The following FIP1L1 variants were observed in gnomAD, a reference collection of about 807,000 sequenced individuals.
FIP1L1 encodes the protein factor interacting with PAPOLA and CPSF1, also known as pre-mRNA 3'-end-processing factor FIP1.
In FIP1L1, 21 loss-of-function variants were observed where a neutral mutation model predicts 84.6. The observed-to-expected ratio is 0.25, with a 90% CI of 0.18 to 0.36. The LOEUF (loss-of-function observed/expected upper bound fraction) is 0.36, where lower values mean the gene tolerates loss of function less well. Among genes scored for constraint, FIP1L1 ranks in the 10% least tolerant of loss-of-function variants. The pLI is 1.00. For synonymous variants in FIP1L1, 263 were observed against 242.3 expected, an observed-to-expected ratio of 1.09 and a Z score of -0.80; for missense variants, 526 against 751.1, an observed-to-expected ratio of 0.70 and a Z score of 3.50.
chr4:53,441,215 A>T (rs1323972435), intron 13 of FIP1L1, among the ~76,000 whole-genome samples: 1 of 151,770 alleles, frequency 6.6e-6, no homozygotes, highest in African/African-American at 2.4e-5. Flanking sequence ...GTGTGATATC[A>T]CACCTGGTAG....
Position 53,377,896 on chromosome 4 carries a change from G to A in FIP1L1, c.58G>A (p.Asp20Asn). The A allele has an allele frequency of 6.2e-7, 1 of 1,600,828 alleles. No individual in the cohort carries two copies. The highest frequency in any genetic ancestry group is 8.5e-7 in the Non-Finnish European group (1 of 1,173,732). Residue 20 changes from aspartate to asparagine, a missense_variant, in exon 1 of 18, where the codon GAT (aspartate) becomes AAT (asparagine). This residue lies in a region of FIP1L1 where 100 missense variants were observed against 107.2 expected (regional missense o/e 0.93). Transcript: ENST00000337488. ...VSELSGGTGG[D>N]EEEEWLYGGP... is the part of the protein sequence containing the mutation. ...GGAGCTGAGCGGCGGGACCGGAGGG[G>A]ATGAGGAGGAAGAGTGGCTCTATGG... is the stretch of plus-strand genomic sequence containing the variant.
chr4:53,389,484 TTGAGCAAG>T lies in FIP1L1; in HGVS notation c.333-321_333-314del, dbSNP rs1742980682. Among the ~76,000 whole-genome samples the T allele has an allele frequency of 2.6e-5, 4 of 152,308 alleles. No individual in the cohort carries two copies. In the South Asian group the frequency reaches 8.3e-4, roughly 32 times the overall value. On this transcript the variant is annotated intron_variant, in intron 5 of 17. Transcript: ENST00000337488. ...TTTTTTTTACTGTTTTTGCCTTTTA[TTGAGCAAG>T]TGACTTTAAAAATCAGTTTAAAATG...
At chr4:53,426,478 T>G (rs190383027) in intron 12 of FIP1L1, among the ~76,000 whole-genome samples, 1 of 152,288 alleles carries the variant, frequency 6.6e-6, no homozygotes, top group East Asian at 1.9e-4. Context: ...CCACTTGTGA[T>G]AAAATGTTGA....
At chr4:53,451,574 T>TC (rs1254543776) in intron 15 of FIP1L1, among the ~76,000 whole-genome samples, 1 of 85,224 alleles carries the variant, frequency 1.2e-5, no homozygotes, top group Non-Finnish European at 2.6e-5. Context: ...CTATACATTT[T>TC]CTTTTTTTTT....
Position 53,451,114 on chromosome 4 carries a change from G to A in FIP1L1, c.1286-1806G>A, listed in dbSNP as rs375739060. 1.6e-4 allele frequency among the ~76,000 whole-genome samples: 24 copies of A among 151,586 alleles called. No homozygotes were observed. In the South Asian group the frequency reaches 2.5e-3, roughly 16 times the overall value. On this transcript the variant is annotated intron_variant, in intron 15 of 17. Coordinates refer to ENST00000337488, the MANE Select transcript of FIP1L1 (RefSeq NM_030917.4). ...CAAATAGCTGGGATTACAGGCATGC[G>A]CCACCATGCCTGGCTAATTTTTTTT... is the stretch of plus-strand genomic sequence containing the variant.
rs564872406 is a variant in FIP1L1 at position 53,379,103 on chromosome 4, T to G, written c.116T>G (p.Leu39Trp). 2 of 1,614,168 alleles carry G rather than the reference T, an allele frequency of 1.2e-6. No homozygotes were observed. Among genetic ancestry groups the G allele is most frequent in the African/African-American group, 2.7e-5 (2 of 75,084 alleles). ...TGGGACGTGCATGTGCACAGTGATT[T>G]GGCAAAGGACCTAGGTTAGTGCTTG... ...GPWDVHVHSD[L>W]AKDLDENEVE... Residue 39 changes from leucine to tryptophan, a missense_variant, in exon 2 of 18, where the codon TTG (leucine) becomes TGG (tryptophan). Physicochemically the swap from Leu to Trp is moderately conservative, Grantham distance 61. This residue lies in a region of FIP1L1 where 100 missense variants were observed against 107.2 expected (regional missense o/e 0.93). Transcript: ENST00000337488.
At chr4:53,394,755 T>A (rs113127810) in intron 9 of FIP1L1, among the ~76,000 whole-genome samples, 28 of 151,874 alleles carry the variant, frequency 1.8e-4, no homozygotes, top group African/African-American at 6.5e-4. Flanking sequence ...CTGTTTTTCC[T>A]TTTTTTGACT....
chr4:53,396,682 G>A (rs1347992818), intron 9 of FIP1L1, among the ~76,000 whole-genome samples: 3 of 152,182 alleles, frequency 2.0e-5, no homozygotes, highest in Non-Finnish European at 4.4e-5. Flanking sequence ...GGGATTACAG[G>A]CTTGAGCCAC....
intron 1 of FIP1L1, 73 bp from the exon 2 acceptor site, chr4:53,379,000 T>C: frequency 6.8e-7 from 1 of 1,459,964 alleles, no homozygotes; most frequent in South Asian, 1.2e-5. Flanking sequence ...CAGTAAAGTC[T>C]GATTTTTTTT....
At chr4:53,457,361 A>G (rs1433355502) in intron 16 of FIP1L1, among the ~76,000 whole-genome samples, 2 of 152,152 alleles carry the variant, frequency 1.3e-5, no homozygotes, top group African/African-American at 4.8e-5. Flanking sequence ...CTCCAAATAC[A>G]AAAGTACATA....
At chr4:53,417,799 T>A (rs1279183255) in intron 11 of FIP1L1, among the ~76,000 whole-genome samples, 13,465 of 138,850 alleles carry the variant, frequency 0.097, 1,575 homozygotes, top group South Asian at 0.28. Context: ...TCTCTCTCTC[T>A]CTCTCTCTCT....
chr4:53,452,247 C>T (rs13142904), intron 15 of FIP1L1, among the ~76,000 whole-genome samples: 6,970 of 152,078 alleles, frequency 0.046, 215 homozygotes, highest in Non-Finnish European at 0.067. Context: ...TTGATGTTTA[C>T]AAAGGCTGTT....
rs143671659 is a variant in FIP1L1, at chr4:53,453,080, CAG to C, written c.1459_1460del (p.Arg487GlyfsTer3). The C allele has an allele frequency of 0.012, 13,622 of 1,121,902 alleles. No individual in the cohort carries two copies. The highest frequency in any genetic ancestry group is 0.013 in the Non-Finnish European group (11,008 of 832,170). 69.5% of individuals were successfully genotyped at this position (1,121,902 alleles called of 1,614,324 possible). ...ATCGGGACAGAGAAAGAGAACGCAC[CAG>C]AGAGAGAGAGAGGGAGCGTGATCAC... is the stretch of plus-strand genomic sequence containing the variant. ...RDRDRERERT[R>X]ERERERDHSP... On this transcript the variant is annotated frameshift_variant, in exon 16 of 18. Coordinates refer to ENST00000337488, the MANE Select transcript of FIP1L1 (RefSeq NM_030917.4). LOFTEE classifies it high-confidence loss of function.
chr4:53,451,325 T>C (rs73156086), intron 15 of FIP1L1, among the ~76,000 whole-genome samples: 19,563 of 151,426 alleles, frequency 0.13, 2,527 homozygotes, highest in African/African-American at 0.32. Context: ...TCATCTTTTT[T>C]CTTTCAACCT....
intron 13 of FIP1L1, among the ~76,000 whole-genome samples, chr4:53,437,919 G>T (rs1415452119): frequency 6.6e-6 from 1 of 151,812 alleles, no homozygotes; most frequent in East Asian, 1.9e-4. Context: ...TAGAGACAGG[G>T]TTTCACCATG....
intron 9 of FIP1L1, among the ~76,000 whole-genome samples, chr4:53,392,616 C>T (rs1456275950): frequency 3.9e-5 from 6 of 152,094 alleles, no homozygotes; most frequent in African/African-American, 1.4e-4. Context: ...TGAACTAGTT[C>T]ATTAGCAGCA....
rs1378883797 is a variant in FIP1L1 at position 53,460,011 on chromosome 4, AAATT to A, written c.*566_*569del. ...CCAAATGGGGTACACTTTCATATCCAAATTAATAAAACCTATAAGGCATCTGGGT... is the reference window on the plus strand; with the variant it reads ...CCAAATGGGGTACACTTTCATATCCAAATAAAACCTATAAGGCATCTGGGT... On this transcript the variant is annotated 3_prime_UTR_variant, in exon 18 of 18. Coordinates refer to ENST00000337488, the MANE Select transcript of FIP1L1 (RefSeq NM_030917.4). The A allele has an allele frequency of 4.8e-6, 1 of 208,942 alleles. No individual in the cohort carries two copies. Among genetic ancestry groups the A allele is most frequent in the African/African-American group, 2.3e-5 (1 of 43,730 alleles). The allele number at this position is 208,942 out of a possible 1,614,324, so 12.9% of individuals were successfully genotyped here.
intron 13 of FIP1L1, among the ~76,000 whole-genome samples, chr4:53,441,357 T>C (rs1456573604): frequency 6.6e-6 from 1 of 151,868 alleles, no homozygotes; most frequent in Non-Finnish European, 1.5e-5. Context: ...TTAGGTAGCA[T>C]AGTACAGTAT....
chr4:53,385,414 GT>G (rs1195953472), intron 5 of FIP1L1, among the ~76,000 whole-genome samples: 3 of 151,898 alleles, frequency 2.0e-5, no homozygotes, highest in African/African-American at 7.3e-5. Flanking sequence ...GCAATTTTCA[GT>G]TTTATGCATT....
Sources: allele counts gnomAD v4.1 joint callset (sites outside exome capture counted in the v4.1 genomes callset), GRCh38; gene constraint gnomAD v4.1.1; regional missense constraint gnomAD v4.1.1; transcripts MANE v1.5; gene names NCBI Gene and HGNC (gene_info 2026-07-23, HGNC 2026-07-21).